Variants in MSRA observed in about 807,000 individuals in gnomAD.
MSRA encodes the protein mitochondrial peptide methionine sulfoxide reductase.
Under a neutral mutation model 31.3 loss-of-function variants are expected in MSRA, and 54 were observed. The ratio of observed to expected loss-of-function variants is 1.73; its 90% CI spans 1.39 to 2.17. The LOEUF (loss-of-function observed/expected upper bound fraction) is 2.17. MSRA is among the 30% of genes most tolerant of loss of function. MSRA has a pLI of 0.00. For missense variants in MSRA, 507 were observed against 300.9 expected, an observed-to-expected ratio of 1.69 and a Z score of -5.07; for synonymous variants, 169 against 116.5, an observed-to-expected ratio of 1.45 and a Z score of -2.90.
rs17739588 is a variant in MSRA at position 10,097,604 on chromosome 8, T to C, written c.142+42946T>C. On this transcript the variant is annotated intron_variant, in intron 1 of 5. Coordinates refer to ENST00000317173, the MANE Select transcript of MSRA (RefSeq NM_012331.5). ...TACTTCTTAAACATTTAACATAACT[T>C]CTTGCCATTTAGGTTTGCTAAATAT... 8.1e-3 allele frequency among the ~76,000 whole-genome samples: 1,233 copies of C among 152,306 alleles called. 14 individuals are homozygous for C. The highest frequency in any genetic ancestry group is 0.022 in the South Asian group (104 of 4,830).
At chr8:10,208,294 A>G (rs1035467177) in intron 2 of MSRA, among the ~76,000 whole-genome samples, 1 of 152,084 alleles carries the variant, frequency 6.6e-6, no homozygotes, top group Admixed American at 6.6e-5. Context: ...ACAAAGATTA[A>G]TCTAATTGAA....
At chr8:10,427,830 T>C (rs1302396456) in intron 5 of MSRA, among the ~76,000 whole-genome samples, 1 of 152,176 alleles carries the variant, frequency 6.6e-6, no homozygotes, top group African/African-American at 2.4e-5. Context: ...GGGGCCAGTT[T>C]CAAACAGACC....
At position 10,183,744 on chromosome 8, in the gene MSRA, C is replaced by T. The variant is rs192289007; in HGVS notation, c.143-24089C>T. Among the ~76,000 whole-genome samples the T allele has an allele frequency of 1.5e-3, 208 of 140,976 alleles. 1 individual carries two copies. The highest frequency in any genetic ancestry group is 4.8e-3 in the African/African-American group (180 of 37,840). The allele number at this position is 140,976 out of a possible 152,430, so 92.5% of individuals were successfully genotyped here. On this transcript the variant is annotated intron_variant, in intron 1 of 5. Transcript: ENST00000317173. ...GTTTTTCTCTGCGAGCTAAAGAGGA[C>T]GGTGTGGCATCAGGGTGACAAGCTG...
chr8:10,394,474 G>A (rs541007698), intron 5 of MSRA, among the ~76,000 whole-genome samples: 4 of 152,192 alleles, frequency 2.6e-5, no homozygotes, highest in African/African-American at 7.2e-5. Context: ...AATTGCACAC[G>A]TTTTCTCATT....
At chr8:10,339,989 GCTGC>G (rs548050659) in intron 5 of MSRA, among the ~76,000 whole-genome samples, 4 of 152,278 alleles carry the variant, frequency 2.6e-5, no homozygotes, top group Middle Eastern at 3.4e-3. Context: ...CCCCAAGGCA[GCTGC>G]CCTAGCTGCC....
intron 1 of MSRA, among the ~76,000 whole-genome samples, chr8:10,196,063 G>A (rs994435459): frequency 6.6e-6 from 1 of 152,308 alleles, no homozygotes; most frequent in East Asian, 1.9e-4. Flanking sequence ...GGTGCGGGGT[G>A]GGGGAGCCAC....
At chr8:10,258,372 C>G (rs533319825) in intron 3 of MSRA, among the ~76,000 whole-genome samples, 4 of 152,206 alleles carry the variant, frequency 2.6e-5, no homozygotes, top group Non-Finnish European at 5.9e-5. Flanking sequence ...GACTCACTGG[C>G]TAATTGGAAA....
At chr8:10,291,781 G>A (rs1800250471) in intron 3 of MSRA, among the ~76,000 whole-genome samples, 1 of 151,974 alleles carries the variant, frequency 6.6e-6, no homozygotes, top group Non-Finnish European at 1.5e-5. Flanking sequence ...GTTGAAGAAT[G>A]GTTATTATTT....
intron 1 of MSRA, among the ~76,000 whole-genome samples, chr8:10,073,400 G>T (rs1797838213): frequency 6.6e-6 from 1 of 152,138 alleles, no homozygotes; most frequent in Non-Finnish European, 1.5e-5. Context: ...GCTGTTTTCT[G>T]TGTCTGCGTT....
rs149607001 is a variant in MSRA at position 10,086,375 on chromosome 8, T to A, written c.142+31717T>A. 9.6e-4 allele frequency among the ~76,000 whole-genome samples: 146 copies of A among 152,332 alleles called. 1 individual carries two copies. The highest frequency in any genetic ancestry group is 3.4e-3 in the Middle Eastern group (1 of 294). On this transcript the variant is annotated intron_variant, in intron 1 of 5. Coordinates refer to ENST00000317173, the MANE Select transcript of MSRA (RefSeq NM_012331.5). ...AATTCTGGTTTGGCCAAGTTGAGTT[T>A]GAGGTGCCAGTTAGCCTTTGAAGAA...
chr8:10,347,924 G>A (rs182181083), intron 5 of MSRA, among the ~76,000 whole-genome samples: 2 of 152,316 alleles, frequency 1.3e-5, no homozygotes, highest in East Asian at 3.9e-4. Flanking sequence ...GTGCTGTAGT[G>A]ATCGATGCAG....
chr8:10,187,918 T>C (rs1807190698), intron 1 of MSRA, among the ~76,000 whole-genome samples: 1 of 152,178 alleles, frequency 6.6e-6, no homozygotes, highest in African/African-American at 2.4e-5. Flanking sequence ...AATGAACAGG[T>C]TCCTGCCTCA....
intron 3 of MSRA, among the ~76,000 whole-genome samples, chr8:10,294,933 T>C (rs971611723): frequency 6.6e-6 from 1 of 152,096 alleles, no homozygotes; most frequent in African/African-American, 2.4e-5. Context: ...GTCTCTGGTA[T>C]GAGAAAAACC....
At chr8:10,098,215 T>G (rs1799304427) in intron 1 of MSRA, among the ~76,000 whole-genome samples, 1 of 152,178 alleles carries the variant, frequency 6.6e-6, no homozygotes, top group Non-Finnish European at 1.5e-5. Flanking sequence ...ATAAATACTA[T>G]TGGTTTGATT....
At chr8:10,304,391 C>T (rs1157665030) in intron 4 of MSRA, among the ~76,000 whole-genome samples, 1 of 152,198 alleles carries the variant, frequency 6.6e-6, no homozygotes, top group Non-Finnish European at 1.5e-5. Flanking sequence ...CATAAGACCA[C>T]AGGCTAAATG....
At chr8:10,097,348 T>C (rs1476749548) in intron 1 of MSRA, among the ~76,000 whole-genome samples, 2 of 152,134 alleles carry the variant, frequency 1.3e-5, no homozygotes, top group African/African-American at 4.8e-5. Flanking sequence ...ATACACTACG[T>C]CGCTGATACT....
chr8:10,375,018 C>T (rs901192211), intron 5 of MSRA, among the ~76,000 whole-genome samples: 1 of 152,210 alleles, frequency 6.6e-6, no homozygotes, highest in African/African-American at 2.4e-5. Context: ...TTGTAAGCTT[C>T]CTGAGGCATC....
chr8:10,234,293 TAAA>T (rs1460451552), intron 2 of MSRA, among the ~76,000 whole-genome samples: 1 of 152,020 alleles, frequency 6.6e-6, no homozygotes, highest in Non-Finnish European at 1.5e-5. Flanking sequence ...TAGAAGAAAA[TAAA>T]AAAGGCAAAT....
intron 1 of MSRA, among the ~76,000 whole-genome samples, chr8:10,076,567 C>T (rs1226940738): frequency 2.0e-5 from 3 of 152,174 alleles, no homozygotes; most frequent in Non-Finnish European, 4.4e-5. Flanking sequence ...CTTCCATTCC[C>T]ATCGCTTCTT....
Sources: allele counts gnomAD v4.1 joint callset (sites outside exome capture counted in the v4.1 genomes callset), GRCh38; gene constraint gnomAD v4.1.1; transcripts MANE v1.5; gene names NCBI Gene and HGNC (gene_info 2026-07-23, HGNC 2026-07-21).